The following FAM167A variants were observed in gnomAD, a reference collection of about 807,000 sequenced individuals.
FAM167A encodes family with sequence similarity 167 member A.
FAM167A carries 23 observed loss-of-function variants against 14.9 expected under a neutral mutation model. The ratio of observed to expected loss-of-function variants is 1.55; its 90% CI spans 1.11 to 2.19. FAM167A has a LOEUF of 2.19. FAM167A is among the 30% of genes most tolerant of loss of function. FAM167A has a pLI of 0.00. For missense variants in FAM167A, 401 were observed against 281.5 expected (o/e 1.42, Z -3.04); for synonymous variants, 174 against 117.7 (o/e 1.48, Z -3.10).
At chr8:11,475,458 AC>A (rs1463808065) in intron 1 of FAM167A, among the ~76,000 whole-genome samples, 1 of 152,012 alleles carries the variant, frequency 6.6e-6, no homozygotes, top group African/African-American at 2.4e-5. Context: ...TGCGCAAGTC[AC>A]TCAGGCTTCT....
chr8:11,453,181 A>G (rs1244183903), intron 1 of FAM167A, among the ~76,000 whole-genome samples: 2 of 152,194 alleles, frequency 1.3e-5, no homozygotes, highest in African/African-American at 4.8e-5. Flanking sequence ...CCTACTAAGT[A>G]ACTTTGTTAT....
chr8:11,449,296 A>G (rs2409775), intron 1 of FAM167A, among the ~76,000 whole-genome samples: 77,185 of 152,112 alleles, frequency 0.51, 20,278 homozygotes, highest in East Asian at 0.66. Context: ...ACGTGACAGC[A>G]GAAAAGCTTG....
intron 1 of FAM167A, among the ~76,000 whole-genome samples, chr8:11,456,325 ATGGGTGTGAGTGTGGGGTGGTTGCCCTGC>A (rs1807296530): frequency 9.9e-6 from 1 of 101,432 alleles, no homozygotes; most frequent in African/African-American, 4.2e-5. Context: ...CTGGGTGTGT[ATGGGTGTGAGTGTGGGGTGGTTGCCCTGC>A]TGGGTGTGTG....
chr8:11,471,388 G>C (rs1256909252), upstream of FAM167A, among the ~76,000 whole-genome samples: 1 of 152,160 alleles, frequency 6.6e-6, no homozygotes, highest in Non-Finnish European at 1.5e-5. Flanking sequence ...GTGAGGGGTT[G>C]AGACAGGAGG....
At position 11,444,531 on chromosome 8, in the gene FAM167A, T is replaced by G; in HGVS notation, c.-120A>C. Reference sequence around the variant, plus strand: ...CCTCATCCAGGTGCCCGAGGGCATTTCCGGGACAGGAGCCGGCCTCAGAGG... The same window carrying G: ...CCTCATCCAGGTGCCCGAGGGCATTGCCGGGACAGGAGCCGGCCTCAGAGG... On this transcript the variant is annotated 5_prime_UTR_variant, in exon 2 of 3. Coordinates refer to ENST00000284486, the MANE Select transcript of FAM167A (RefSeq NM_053279.3). The G allele has an allele frequency of 6.8e-7, 1 of 1,476,032 alleles. No individual in the cohort carries two copies. The highest frequency in any genetic ancestry group is 8.9e-7 in the Non-Finnish European group (1 of 1,120,708). 91.4% of individuals were successfully genotyped at this position (1,476,032 alleles called of 1,614,324 possible).
chr8:11,435,089 C>T (rs1805915626), intron 2 of FAM167A: 1 of 456,662 alleles, frequency 2.2e-6, no homozygotes, highest in African/African-American at 2.0e-5. Flanking sequence ...CCTGCTTCTT[C>T]AAATCTTTCA....
At chr8:11,427,879 G>A (rs1168455533) in intron 2 of FAM167A, among the ~76,000 whole-genome samples, 2 of 152,142 alleles carry the variant, frequency 1.3e-5, no homozygotes. Context: ...TATTGACCTA[G>A]AATAGCACCA....
chr8:11,467,433 C>CA (rs1476559354), upstream of FAM167A: 2 of 152,790 alleles, frequency 1.3e-5, no homozygotes, highest in Admixed American at 1.3e-4. Flanking sequence ...CGCAGGTCTT[C>CA]AGGACCAGTC....
chr8:11,444,901 CAG>C (rs1806689808), intron 1 of FAM167A, 93 bp from the exon 2 acceptor site: 2 of 937,952 alleles, frequency 2.1e-6, no homozygotes, highest in Non-Finnish European at 2.5e-6. Context: ...AACTGAGGCT[CAG>C]AGTGGACTGG....
chr8:11,433,204 T>TA (rs34636796), intron 2 of FAM167A, among the ~76,000 whole-genome samples: 24,020 of 150,378 alleles, frequency 0.16, 2,168 homozygotes, highest in Middle Eastern at 0.24. Flanking sequence ...TAAAGTATGA[T>TA]AAAAAAAAAT....
intron 2 of FAM167A, 90 bp downstream of exon 2, chr8:11,443,941 G>T: frequency 2.1e-6 from 3 of 1,442,166 alleles, no homozygotes; most frequent in Non-Finnish European, 1.9e-6. Flanking sequence ...CATGGTGGGG[G>T]TGGGGAGACA....
intron 2 of FAM167A, among the ~76,000 whole-genome samples, chr8:11,434,500 G>GA (rs1805856350): frequency 6.6e-6 from 1 of 152,154 alleles, no homozygotes; most frequent in African/African-American, 2.4e-5. Context: ...AGTTTGCTGG[G>GA]AGGGAGAGAC....
Position 11,421,615 on chromosome 8 carries a change from G to T in FAM167A, c.*2758C>A. On this transcript the variant is annotated 3_prime_UTR_variant, in exon 3 of 3. Transcript: ENST00000284486. ...TAATAGCACTTGGTATTGCTACAGG[G>T]TGTGGGTCTTGAACTCGGTCAGGCA... is the stretch of plus-strand genomic sequence containing the variant. 2.5e-6 allele frequency: 1 copy of T among 398,408 alleles called. No homozygotes were observed. The highest frequency in any genetic ancestry group is 4.4e-6 in the Non-Finnish European group (1 of 226,038). The allele number at this position is 398,408 out of a possible 1,614,324, so 24.7% of individuals were successfully genotyped here. A position where few individuals can be genotyped will look rare whatever the true frequency, so the allele number is the denominator to read the frequency against.
chr8:11,430,425 G>C (rs1380700847), intron 2 of FAM167A, among the ~76,000 whole-genome samples: 1 of 152,212 alleles, frequency 6.6e-6, no homozygotes, highest in Non-Finnish European at 1.5e-5. Context: ...TGCTCGTTAA[G>C]ATGTGAGCCA....
chr8:11,468,807 G>A (rs1017585827), upstream of FAM167A, among the ~76,000 whole-genome samples: 21 of 152,228 alleles, frequency 1.4e-4, no homozygotes, highest in African/African-American at 4.3e-4. Flanking sequence ...GGGGAATTGT[G>A]GCATGCCTCA....
chr8:11,444,577 G>A lies in FAM167A; in HGVS notation c.-166C>T, dbSNP rs1806666112. On this transcript the variant is annotated 5_prime_UTR_variant, in exon 2 of 3. Transcript: ENST00000284486. Reference sequence around the variant, plus strand: ...AGAGGCTGGGTGGCAGGGGAGCTGAGAGGGACCGCGCAGTGAGCCGCACAG... The same window carrying A: ...AGAGGCTGGGTGGCAGGGGAGCTGAAAGGGACCGCGCAGTGAGCCGCACAG... The A allele has an allele frequency of 6.9e-7, 1 of 1,442,188 alleles. No homozygotes were observed. Among genetic ancestry groups the A allele is most frequent in the Admixed American group, 2.9e-5 (1 of 34,212 alleles). 89.3% of individuals were successfully genotyped at this position (1,442,188 alleles called of 1,614,324 possible).
intron 2 of FAM167A, among the ~76,000 whole-genome samples, chr8:11,431,304 C>A (rs945688086): frequency 2.0e-5 from 3 of 152,232 alleles, no homozygotes; most frequent in Non-Finnish European, 4.4e-5. Flanking sequence ...AGGCCAAATA[C>A]CGTAGGATTC....
chr8:11,462,831 T>G (rs1807593492), intron 1 of FAM167A, among the ~76,000 whole-genome samples: 1 of 152,220 alleles, frequency 6.6e-6, no homozygotes, highest in Admixed American at 6.5e-5. Flanking sequence ...TTCAGCGTCT[T>G]TATCTCTGGT....
At chr8:11,474,822 G>A (rs976813169) in intron 1 of FAM167A, 1 of 152,746 alleles carries the variant, frequency 6.5e-6, no homozygotes, top group African/African-American at 2.4e-5. Flanking sequence ...GAAAAGGAGG[G>A]GGTAAGGAGG....
Sources: allele counts gnomAD v4.1 joint callset (sites outside exome capture counted in the v4.1 genomes callset), GRCh38; gene constraint gnomAD v4.1.1; transcripts MANE v1.5; gene names NCBI Gene and HGNC (gene_info 2026-07-23, HGNC 2026-07-21).